Variants in BCAR3 observed in about 807,000 individuals in gnomAD.
BCAR3 encodes BCAR3 adaptor protein, NSP family member, also known as breast cancer anti-estrogen resistance protein 3.
In BCAR3, 37 loss-of-function variants were observed where a neutral mutation model predicts 80.1. That is an observed-to-expected ratio of 0.46 (90% CI 0.36 to 0.61). The LOEUF (loss-of-function observed/expected upper bound fraction) is 0.61. BCAR3 is among the 20% of genes least tolerant of loss of function. The probability of loss-of-function intolerance (pLI) is 0.00; values close to 1 mark genes in which losing one functional copy is unlikely to be tolerated. For missense variants in BCAR3, 978 were observed against 1,068.2 expected, an observed-to-expected ratio of 0.92 and a Z score of 1.18; for synonymous variants, 389 against 418.9, an observed-to-expected ratio of 0.93 and a Z score of 0.87.
At chr1:93,668,975 G>A (rs529030599) in intron 2 of BCAR3, among the ~76,000 whole-genome samples, 1 of 152,180 alleles carries the variant, frequency 6.6e-6, no homozygotes, top group African/African-American at 2.4e-5. Flanking sequence ...GCCTCCCAAA[G>A]TGCTGGGAAT....
intron 8 of BCAR3, among the ~76,000 whole-genome samples, chr1:93,573,462 A>AAC (rs1673306350): frequency 1.3e-5 from 2 of 152,146 alleles, no homozygotes; most frequent in Admixed American, 6.5e-5. Flanking sequence ...AGTTGTTACT[A>AAC]GAGTTGTCTC....
chr1:93,690,304 T>C (rs570204984), intron 3 of BCAR3, among the ~76,000 whole-genome samples: 2 of 152,374 alleles, frequency 1.3e-5, no homozygotes, highest in South Asian at 4.1e-4. Context: ...AACTGACTTT[T>C]TTCTGATTAT....
At chr1:93,752,061 A>G (rs987616434) in intron 2 of BCAR3, among the ~76,000 whole-genome samples, 4 of 152,114 alleles carry the variant, frequency 2.6e-5, no homozygotes, top group African/African-American at 9.7e-5. Context: ...CTACACACTC[A>G]TTTCATCCAG....
chr1:93,809,629 G>A (rs893350424), intron 2 of BCAR3, among the ~76,000 whole-genome samples: 1 of 151,890 alleles, frequency 6.6e-6, no homozygotes, highest in African/African-American at 2.4e-5. Context: ...TTAGCTGGGC[G>A]TGGCTGTGGG....
chr1:93,716,597 C>A (rs1650198737), intron 2 of BCAR3, among the ~76,000 whole-genome samples: 1 of 152,164 alleles, frequency 6.6e-6, no homozygotes, highest in Non-Finnish European at 1.5e-5. Context: ...GGGAGCTGAT[C>A]CCCAGAGTGT....
At chr1:93,697,571 T>C (rs1326477441) in intron 3 of BCAR3, among the ~76,000 whole-genome samples, 1 of 152,182 alleles carries the variant, frequency 6.6e-6, no homozygotes, top group African/African-American at 2.4e-5. Context: ...TGGGGAGACC[T>C]TCACCTGGGC....
chr1:93,832,239 A>C (rs1436899985), intron 2 of BCAR3, among the ~76,000 whole-genome samples: 2 of 152,034 alleles, frequency 1.3e-5, no homozygotes, highest in East Asian at 3.9e-4. Context: ...TGTGAGACAA[A>C]CCCCAGCCAC....
chr1:93,842,629 C>G (rs958326532), intron 2 of BCAR3, among the ~76,000 whole-genome samples: 2 of 152,174 alleles, frequency 1.3e-5, no homozygotes, highest in African/African-American at 2.4e-5. Flanking sequence ...TCTGCCTGCA[C>G]ATCCCCTCCT....
chr1:93,625,924 A>G (rs1675444056), intron 3 of BCAR3, among the ~76,000 whole-genome samples: 1 of 151,452 alleles, frequency 6.6e-6, no homozygotes, highest in African/African-American at 2.4e-5. Flanking sequence ...CCTGCAACAA[A>G]TTTCTCCCTC....
At chr1:93,578,095 A>G (rs556804452) in intron 7 of BCAR3, among the ~76,000 whole-genome samples, 1 of 152,196 alleles carries the variant, frequency 6.6e-6, no homozygotes, top group South Asian at 2.1e-4. Context: ...AGCACCCCCG[A>G]TGAGGCTTCC....
intron 2 of BCAR3, among the ~76,000 whole-genome samples, chr1:93,761,188 G>A (rs1044191223): frequency 2.0e-5 from 3 of 152,160 alleles, no homozygotes; most frequent in Admixed American, 2.0e-4. Context: ...GAGACACAAG[G>A]CTGAGATGAC....
chr1:93,777,705 A>G (rs189159037), intron 2 of BCAR3, among the ~76,000 whole-genome samples: 1 of 152,272 alleles, frequency 6.6e-6, no homozygotes, highest in East Asian at 1.9e-4. Flanking sequence ...GATTACAGGC[A>G]TGAGCCACCA....
chr1:93,755,285 G>T (rs1651704882), intron 2 of BCAR3, among the ~76,000 whole-genome samples: 1 of 152,152 alleles, frequency 6.6e-6, no homozygotes, highest in African/African-American at 2.4e-5. Flanking sequence ...AATAAATTTA[G>T]TGTAGCCTGA....
chr1:93,573,818 C>G (rs924639583), intron 8 of BCAR3, among the ~76,000 whole-genome samples: 1 of 151,406 alleles, frequency 6.6e-6, no homozygotes, highest in Non-Finnish European at 1.5e-5. Flanking sequence ...TTTGTAGAAA[C>G]AGGGTTTTGC....
chr1:93,687,411 G>A (rs1300347984), intron 3 of BCAR3, among the ~76,000 whole-genome samples: 1 of 152,116 alleles, frequency 6.6e-6, no homozygotes, highest in Non-Finnish European at 1.5e-5. Flanking sequence ...GGGTTCAAAC[G>A]ATTCTCCCGC....
intron 3 of BCAR3, among the ~76,000 whole-genome samples, chr1:93,695,988 GC>G (rs974978933): frequency 7.2e-5 from 11 of 151,808 alleles, no homozygotes; most frequent in African/African-American, 2.7e-4. Flanking sequence ...GGTCTACTCT[GC>G]CTGGTTATCA....
Position 93,674,636 on chromosome 1 carries a change from G to A in BCAR3, c.295C>T (p.His99Tyr). The A allele has an allele frequency of 6.2e-7, 1 of 1,613,560 alleles. No individual in the cohort carries two copies. Among genetic ancestry groups the A allele is most frequent in the Non-Finnish European group, 8.5e-7 (1 of 1,179,914 alleles). The change falls in exon 2 of 12, where the codon CAC (histidine) becomes TAC (tyrosine). Residue 99 changes from histidine (H) to tyrosine (Y), a missense_variant. Transcript: ENST00000260502. ...TACCTGAAGGTGAAGGTTTCGCCGT[G>A]CCGGTCCTGCCATGGGCTCTCCTGG... The part of the protein sequence containing the change: ...GIQESPWQDR[H>Y]GETFTFRDPH...
In BCAR3 at chr1:93,669,009, G is replaced by A. The variant is rs537091713; in HGVS notation, c.317+5605C>T. 1.9e-3 allele frequency among the ~76,000 whole-genome samples: 284 copies of A among 152,072 alleles called. 5 individuals carry two copies. The highest frequency in any genetic ancestry group is 7.9e-4 in the Non-Finnish European group (54 of 67,982). On this transcript the variant is annotated intron_variant, in intron 2 of 11. Coordinates refer to ENST00000260502, the MANE Select transcript of BCAR3 (RefSeq NM_003567.4). The stretch of plus-strand genomic sequence containing the variant: ...ATACAGGCAATGAGCCACCGCACCC[G>A]GCCCAAGATTTTTTTTTTTAACTCA...
intron 4 of BCAR3, among the ~76,000 whole-genome samples, chr1:93,591,568 A>G (rs1674193968): frequency 6.6e-6 from 1 of 152,174 alleles, no homozygotes; most frequent in African/African-American, 2.4e-5. Flanking sequence ...ATGATTGGCC[A>G]GATCAGGTTT....
Sources: gnomAD v4.1 joint callset for allele counts (sites outside exome capture counted in the v4.1 genomes callset) on GRCh38, gnomAD v4.1.1 for gene constraint, MANE v1.5 for transcripts, NCBI Gene and HGNC (gene_info 2026-07-23, HGNC 2026-07-21) for gene names.